Variants in MECR observed in about 807,000 individuals in gnomAD.
MECR encodes enoyl-[acyl-carrier-protein] reductase, mitochondrial.
In MECR, 37 loss-of-function variants were observed where a neutral mutation model predicts 49.1. The ratio of observed to expected loss-of-function variants is 0.75; its 90% CI spans 0.58 to 0.99. The LOEUF is 0.99. Among genes scored for constraint, MECR ranks in the 50% least tolerant of loss-of-function variants. MECR has a pLI of 0.00. For synonymous variants in MECR, 198 were observed against 191.1 expected, an observed-to-expected ratio of 1.04 and a Z score of -0.30; for missense variants, 470 against 479.6, an observed-to-expected ratio of 0.98 and a Z score of 0.19.
At chr1:29,200,620 C>G in intron 6 of MECR, 31 bp from the exon 7 acceptor site, 1 of 1,597,632 alleles carries the variant, frequency 6.3e-7, no homozygotes, top group Non-Finnish European at 8.6e-7. Context: ...AGTGAGGGAG[C>G]ATCCCCGCTC....
chr1:29,227,862 C>T (rs955602356), intron 1 of MECR, among the ~76,000 whole-genome samples: 5 of 152,136 alleles, frequency 3.3e-5, no homozygotes, highest in African/African-American at 1.2e-4. Context: ...CAAGTAAAGC[C>T]GCCTGAATCT....
intron 1 of MECR, 75 bp downstream of exon 1, chr1:29,230,656 T>C (rs1341189139): frequency 1.3e-6 from 2 of 1,512,742 alleles, no homozygotes; most frequent in East Asian, 2.5e-5. Context: ...TGTCCCTCTC[T>C]TCCCAGTCCG....
chr1:29,178,812 G>C, the MECR span, among the ~76,000 whole-genome samples: 1 of 152,100 alleles, frequency 6.6e-6, no homozygotes, highest in African/African-American at 2.4e-5. Flanking sequence ...CAGCGTTTTT[G>C]CCATACAGGC....
At chr1:29,214,642 T>C (rs1678910702) in intron 3 of MECR, among the ~76,000 whole-genome samples, 1 of 152,126 alleles carries the variant, frequency 6.6e-6, no homozygotes, top group South Asian at 2.1e-4. Context: ...ATTACAGGCG[T>C]GAGCCACCAC....
intron 4 of MECR, 96 bp downstream of exon 4, chr1:29,206,666 C>T (rs1676649802): frequency 2.1e-6 from 3 of 1,452,306 alleles, no homozygotes; most frequent in Admixed American, 3.9e-5. Flanking sequence ...CCCTCAAAAC[C>T]TCCACCTTGC....
chr1:29,214,522 C>T (rs1361675473), intron 3 of MECR, among the ~76,000 whole-genome samples: 6 of 151,776 alleles, frequency 4.0e-5, no homozygotes, highest in African/African-American at 9.7e-5. Flanking sequence ...CCACCACACC[C>T]GGCTAATTTT....
intron 3 of MECR, 84 bp from the exon 4 acceptor site, chr1:29,206,989 A>T: frequency 1.3e-6 from 2 of 1,509,350 alleles, no homozygotes; most frequent in Non-Finnish European, 1.8e-6. Flanking sequence ...GCCAAGAAGC[A>T]TCCAGGATAG....
chr1:29,230,886 C>T lies in MECR; in HGVS notation c.21G>A (p.Leu7=). The T allele has an allele frequency of 6.2e-7, 1 of 1,608,158 alleles. No individual in the cohort carries two copies. Among genetic ancestry groups the T allele is most frequent in the Non-Finnish European group, 8.5e-7 (1 of 1,179,388 alleles). MWVCST[L]WRVRTPARQW... ...GCCGGGCGGGGGTTCGCACCCGCCA[C>T]AGGGTACTGCAGACCCACATGCTCG... is the stretch of plus-strand genomic sequence containing the variant. The change falls in exon 1 of 10, where the codon CTG becomes CTA. Residue 7 remains leucine, a synonymous_variant. Transcript: ENST00000263702.
At chr1:29,183,429 G>T in the MECR span, among the ~76,000 whole-genome samples, 1 of 151,744 alleles carries the variant, frequency 6.6e-6, no homozygotes, top group African/African-American at 2.4e-5. Context: ...TCTATTCCTA[G>T]AAATAGGATA....
chr1:29,216,570 C>A lies in MECR; in HGVS notation c.274+18G>T, dbSNP rs1276143066. 4 of 1,612,714 alleles carry A rather than the reference C, an allele frequency of 2.5e-6. No individual in the cohort carries two copies. In the South Asian group the frequency reaches 3.3e-5, roughly 13 times the overall value. ...AACAAAAAAGCCAATTAACATAAGC[C>A]ACAGAAACCAAGGTTACCTTGGATC... On this transcript the variant is annotated intron_variant, in intron 2 of 9. Coordinates refer to ENST00000263702, the MANE Select transcript of MECR (RefSeq NM_016011.5).
intron 3 of MECR, among the ~76,000 whole-genome samples, chr1:29,212,797 C>T (rs533660455): frequency 3.9e-5 from 6 of 152,330 alleles, no homozygotes; most frequent in South Asian, 2.1e-4. Flanking sequence ...CCCCTCGCAC[C>T]GTGGATGCAG....
chr1:29,189,717 ATC>A (rs1311462941), downstream of MECR, among the ~76,000 whole-genome samples: 2 of 152,026 alleles, frequency 1.3e-5, no homozygotes, highest in Non-Finnish European at 2.9e-5. Context: ...CTCTGATTTT[ATC>A]TTTCTTTAGT....
Position 29,194,033 on chromosome 1 carries a change from G to T in MECR, c.1111C>A (p.Leu371Ile). Residue 371 changes from leucine to isoleucine, a missense_variant, in exon 10 of 10, where the codon CTC becomes ATC. Leu to Ile is a conservative substitution (Grantham distance 5). Coordinates refer to ENST00000263702, the MANE Select transcript of MECR (RefSeq NM_016011.5). ...MKPFISSKQILTM is the reference protein window; with the variant it reads ...MKPFISSKQIITM ...CTCTTTTGGGATGATCACATGGTGAGAATCTGCTTTGAAGATATGAAGGGC... is the reference window on the plus strand; with the variant it reads ...CTCTTTTGGGATGATCACATGGTGATAATCTGCTTTGAAGATATGAAGGGC... The T allele has an allele frequency of 6.2e-7, 1 of 1,614,134 alleles. No individual in the cohort carries two copies.
chr1:29,186,449 T>A, the MECR span, among the ~76,000 whole-genome samples: 2 of 152,230 alleles, frequency 1.3e-5, no homozygotes, highest in East Asian at 3.8e-4. Context: ...GTTTATTTAT[T>A]TACTTGTGCA....
the MECR span, among the ~76,000 whole-genome samples, chr1:29,174,807 G>C: frequency 6.6e-6 from 1 of 151,194 alleles, no homozygotes; most frequent in Admixed American, 6.6e-5. Flanking sequence ...CTGAGTAGCT[G>C]GGACTACAGG....
the MECR span, among the ~76,000 whole-genome samples, chr1:29,178,243 C>T: frequency 6.6e-6 from 1 of 152,042 alleles, no homozygotes; most frequent in Non-Finnish European, 1.5e-5. Context: ...AACTTACAAC[C>T]CTTCAGCCTA....
Position 29,203,218 on chromosome 1 carries a change from T to C in MECR, c.566A>G (p.Gln189Arg), listed in dbSNP as rs139681405. The change falls in exon 5 of 10, where the codon CAG becomes CGG. Residue 189 changes from glutamine (Q) to arginine (R), a missense_variant. Coordinates refer to ENST00000263702, the MANE Select transcript of MECR (RefSeq NM_016011.5). ...EQLQPGDSVI[Q>R]NASNSGVGQA... is the part of the protein sequence containing the mutation. ...CCCCACTCCGCTGTTGGATGCATTCTGGATGACAGAATCCCCTGTGGAGCC... is the reference window on the plus strand; with the variant it reads ...CCCCACTCCGCTGTTGGATGCATTCCGGATGACAGAATCCCCTGTGGAGCC... 7 of 1,580,000 alleles carry C rather than the reference T, an allele frequency of 4.4e-6. No individual in the cohort carries two copies. The African/African-American group carries it at 8.1e-5, about 18-fold the overall frequency.
the MECR span, among the ~76,000 whole-genome samples, chr1:29,179,748 T>C: frequency 1.1e-4 from 16 of 152,344 alleles, 1 homozygote; most frequent in Middle Eastern, 0.017. Context: ...TTCCAAGTTT[T>C]ACTAGAGTTT....
At chr1:29,170,843 C>G in the MECR span, 1 of 152,100 alleles carries the variant, frequency 6.6e-6, no homozygotes, top group African/African-American at 2.4e-5. Flanking sequence ...GGTCTTTGTT[C>G]ATGAAGGTCC....
Sources: gnomAD v4.1 joint callset for allele counts (sites outside exome capture counted in the v4.1 genomes callset) on GRCh38, gnomAD v4.1.1 for gene constraint, MANE v1.5 for transcripts, NCBI Gene and HGNC (gene_info 2026-07-23, HGNC 2026-07-21) for gene names.